ESCO1: variants seen among roughly 807,000 people sequenced by gnomAD.
The protein encoded by ESCO1 is establishment of sister chromatid cohesion N-acetyltransferase 1.
A neutral mutation model predicts 83.5 loss-of-function variants in ESCO1; 33 were observed. The ratio of observed to expected loss-of-function variants is 0.40; its 90% CI spans 0.30 to 0.53. The LOEUF (loss-of-function observed/expected upper bound fraction) is 0.53, where lower values mean the gene tolerates loss of function less well. Ranked by LOEUF, ESCO1 falls within the 20% of genes least tolerant of loss-of-function variation. The probability of loss-of-function intolerance (pLI) is 0.63; values close to 1 mark genes in which losing one functional copy is unlikely to be tolerated. For synonymous variants in ESCO1, 332 were observed against 324.3 expected (o/e 1.02, Z -0.25); for missense variants, 855 against 968.0 (o/e 0.88, Z 1.55).
chr18:21,600,080 AC>A (rs2038820814), intron 1 of ESCO1, among the ~76,000 whole-genome samples: 1 of 152,014 alleles, frequency 6.6e-6, no homozygotes, highest in African/African-American at 2.4e-5. Flanking sequence ...TAAAACCAAG[AC>A]CCCACATCGC....
Position 21,573,307 on chromosome 18 carries a change from A to C in ESCO1, c.1530+7T>G, listed in dbSNP as rs1298663374. On this transcript the variant is annotated splice_region_variant and intron_variant, in intron 4 of 11. Coordinates refer to ENST00000269214, the MANE Select transcript of ESCO1 (RefSeq NM_052911.3). The stretch of plus-strand genomic sequence containing the variant: ...CACCTCTATTGTGCATAATAAAAAC[A>C]GATTACCTTATTTGATGCTGAATCA... 2 of 1,556,312 alleles carry C rather than the reference A, an allele frequency of 1.3e-6. No individual in the cohort carries two copies. The highest frequency in any genetic ancestry group is 8.6e-7 in the Non-Finnish European group (1 of 1,160,346).
At chr18:21,580,297 T>G (rs1034815249) in intron 2 of ESCO1, among the ~76,000 whole-genome samples, 16 of 152,028 alleles carry the variant, frequency 1.1e-4, no homozygotes, top group Non-Finnish European at 1.6e-4. Flanking sequence ...AAAAGATGAC[T>G]CTCAAACTTC....
chr18:21,598,339 T>G (rs972002972), intron 1 of ESCO1, among the ~76,000 whole-genome samples: 1 of 152,234 alleles, frequency 6.6e-6, no homozygotes, highest in Non-Finnish European at 1.5e-5. Flanking sequence ...TAGGGTACTT[T>G]TTTAGTTATT....
intron 2 of ESCO1, among the ~76,000 whole-genome samples, chr18:21,581,011 C>G (rs2038495172): frequency 6.7e-6 from 1 of 149,010 alleles, no homozygotes; most frequent in African/African-American, 2.5e-5. Context: ...CATTCTGTCA[C>G]TTAAAAAATA....
chr18:21,577,361 TAAAAAA>T (rs1555671990), intron 2 of ESCO1, among the ~76,000 whole-genome samples: 116 of 52,954 alleles, frequency 2.2e-3, no homozygotes, highest in African/African-American at 7.6e-3. Context: ...CCATCTTTTT[TAAAAAA>T]AAAAAAAAAA....
chr18:21,550,189 AGCAAGCCT>A (rs2038028212), intron 8 of ESCO1, among the ~76,000 whole-genome samples: 1 of 152,204 alleles, frequency 6.6e-6, no homozygotes, highest in Non-Finnish European at 1.5e-5. Context: ...TGAGTGAACA[AGCAAGCCT>A]GCAACAGAGA....
chr18:21,569,367 G>C (rs1394277906), intron 4 of ESCO1, among the ~76,000 whole-genome samples: 1 of 152,180 alleles, frequency 6.6e-6, no homozygotes, highest in Non-Finnish European at 1.5e-5. Context: ...GGGAGGCTGA[G>C]GCGGGTGGAT....
chr18:21,598,162 C>G (rs942150661), intron 1 of ESCO1, among the ~76,000 whole-genome samples: 1 of 151,990 alleles, frequency 6.6e-6, no homozygotes, highest in Non-Finnish European at 1.5e-5. Context: ...CAAAAATCTG[C>G]CAATAAAAGT....
intron 8 of ESCO1, among the ~76,000 whole-genome samples, chr18:21,543,716 T>C (rs901865705): frequency 6.6e-6 from 1 of 151,882 alleles, no homozygotes; most frequent in African/African-American, 2.4e-5. Flanking sequence ...TTTGAAGAAA[T>C]AAAACCAACA....
intron 1 of ESCO1, among the ~76,000 whole-genome samples, chr18:21,589,830 G>A (rs117161115): frequency 0.012 from 1,603 of 134,608 alleles, 11 homozygotes; most frequent in Non-Finnish European, 0.02. Context: ...ATGCAAGTCC[G>A]TCTTTTTTTT....
At chr18:21,552,372 C>T (rs969054875) in intron 8 of ESCO1, among the ~76,000 whole-genome samples, 1 of 152,138 alleles carries the variant, frequency 6.6e-6, no homozygotes, top group African/African-American at 2.4e-5. Context: ...GGGTAGTTAC[C>T]CCCATGCTGC....
chr18:21,595,435 C>G (rs1202068204), intron 1 of ESCO1, among the ~76,000 whole-genome samples: 5 of 150,914 alleles, frequency 3.3e-5, no homozygotes, highest in African/African-American at 9.8e-5. Flanking sequence ...TTTGGGAGGC[C>G]GAGGCGGGTG....
intron 11 of ESCO1, among the ~76,000 whole-genome samples, chr18:21,530,847 G>T (rs1407527129): frequency 6.6e-6 from 1 of 152,132 alleles, no homozygotes; most frequent in African/African-American, 2.4e-5. Context: ...AATAAGAGAA[G>T]ACTACTCTCA....
At chr18:21,561,927 G>A (rs1380155020) in intron 7 of ESCO1, among the ~76,000 whole-genome samples, 1 of 151,518 alleles carries the variant, frequency 6.6e-6, no homozygotes, top group African/African-American at 2.4e-5. Context: ...CACCGAGGCT[G>A]GAGTGCAGTG....
At chr18:21,595,310 G>C (rs1224291432) in intron 1 of ESCO1, among the ~76,000 whole-genome samples, 1 of 148,246 alleles carries the variant, frequency 6.7e-6, no homozygotes, top group African/African-American at 2.5e-5. Context: ...GGCATGGTGA[G>C]CCGAGATCAC....
chr18:21,563,123 G>A (rs1016913415), intron 7 of ESCO1, among the ~76,000 whole-genome samples: 7 of 151,722 alleles, frequency 4.6e-5, no homozygotes, highest in East Asian at 1.9e-4. Context: ...CGCCCATTTC[G>A]GCCTCCCAAA....
In ESCO1 at chr18:21,573,697, T is replaced by C; in HGVS notation, c.1147A>G (p.Ser383Gly). 6.2e-7 allele frequency: 1 copy of C among 1,614,200 alleles called. No homozygotes were observed. The highest frequency in any genetic ancestry group is 1.1e-5 in the South Asian group (1 of 91,074). Residue 383 changes from serine to glycine, a missense_variant, in exon 4 of 12, where the codon AGC becomes GGC. By Grantham distance (56) the Ser-to-Gly change is moderately conservative. This residue lies in a region of ESCO1 where 726 missense variants were observed against 699.5 expected (regional missense o/e 1.04). Transcript: ENST00000269214. Reference sequence around the variant, plus strand: ...CAGTTGGAGTTCTTCTTGGCTGAGCTGTTTATTCCATTTAGTATACATTTC... The same window carrying C: ...CAGTTGGAGTTCTTCTTGGCTGAGCCGTTTATTCCATTTAGTATACATTTC... Reference protein sequence around the residue: ...PVKCILNGINSSAKKNSNWTK... With the variant: ...PVKCILNGINGSAKKNSNWTK...
Position 21,574,219 on chromosome 18 carries a change from C to T in ESCO1, c.625G>A (p.Glu209Lys). The change falls in exon 4 of 12, where the codon GAA becomes AAA. Residue 209 changes from glutamate (E) to lysine (K), a missense_variant. Glu to Lys is a moderately conservative substitution (Grantham distance 56, BLOSUM62 1). Around this residue, in one of 2 missense-constraint regions of ESCO1, gnomAD observed 726 missense variants for 699.5 expected, o/e 1.04. Coordinates refer to ENST00000269214, the MANE Select transcript of ESCO1 (RefSeq NM_052911.3). ...NSPKGKKRKVEHQTACACSSQ... is the reference protein window; with the variant it reads ...NSPKGKKRKVKHQTACACSSQ... ...CTACAAGCACAAGCTGTCTGATGTT[C>T]TACCTTGCGTTTTTTCCCTTTGGGA... 6.2e-7 allele frequency: 1 copy of T among 1,613,852 alleles called. No individual in the cohort carries two copies. Among genetic ancestry groups the T allele is most frequent in the Non-Finnish European group, 8.5e-7 (1 of 1,180,002 alleles).
intron 8 of ESCO1, among the ~76,000 whole-genome samples, chr18:21,550,329 GTTGA>G (rs1179602377): frequency 3.3e-5 from 5 of 152,138 alleles, no homozygotes; most frequent in East Asian, 3.9e-4. Context: ...TCCCAATTAC[GTTGA>G]TTAAGTGAAC....
Sources: gnomAD v4.1 joint callset for allele counts (sites outside exome capture counted in the v4.1 genomes callset) on GRCh38, gnomAD v4.1.1 for gene constraint, gnomAD v4.1.1 regional missense constraint, MANE v1.5 for transcripts, NCBI Gene and HGNC (gene_info 2026-07-23, HGNC 2026-07-21) for gene names.